The following NDUFA10 variants were observed in gnomAD, a reference collection of about 807,000 sequenced individuals.
NDUFA10 encodes the protein NADH dehydrogenase [ubiquinone] 1 alpha subcomplex subunit 10, mitochondrial.
Under a neutral mutation model 47.8 loss-of-function variants are expected in NDUFA10, and 40 were observed. The ratio of observed to expected loss-of-function variants is 0.84; its 90% CI spans 0.65 to 1.09. The LOEUF (loss-of-function observed/expected upper bound fraction) is 1.09. Ranked by LOEUF, NDUFA10 falls within the 50% of genes least tolerant of loss-of-function variation. The pLI is 0.00. For synonymous variants in NDUFA10, 183 were observed against 172.2 expected (o/e 1.06, Z -0.49); for missense variants, 413 against 451.1 (o/e 0.92, Z 0.76).
intron 4 of NDUFA10, among the ~76,000 whole-genome samples, chr2:239,929,122 A>C (rs1694114017): frequency 1.3e-5 from 2 of 152,190 alleles, no homozygotes; most frequent in South Asian, 4.1e-4. Context: ...GATCGTAACA[A>C]GATCGCCACC....
chr2:239,936,682 G>T lies in NDUFA10; in HGVS notation c.295-41368C>A, dbSNP rs527663781. On this transcript the variant is annotated intron_variant, in intron 4 of 5. Coordinates refer to the NDUFA10 transcript ENST00000419408. The stretch of plus-strand genomic sequence containing the variant: ...AAAAGTAAGTCTTGGCCAGGTTGTG[G>T]TGACTCATGCCTGTAATCCCAGCAC... 2.6e-5 allele frequency among the ~76,000 whole-genome samples: 4 copies of T among 152,328 alleles called. No homozygotes were observed. The South Asian group carries it at 8.3e-4, about 32-fold the overall frequency.
chr2:240,014,709 T>C (rs777787897), intron 5 of NDUFA10, 30 bp downstream of exon 5: 5 of 1,614,094 alleles, frequency 3.1e-6, no homozygotes, highest in Non-Finnish European at 4.2e-6. Context: ...AAAATAGAGA[T>C]GCTTGGCCTT....
intron 4 of NDUFA10, among the ~76,000 whole-genome samples, chr2:239,938,943 A>T (rs1285864750): frequency 6.6e-6 from 1 of 152,174 alleles, no homozygotes; most frequent in African/African-American, 2.4e-5. Context: ...GAGTTGGAGG[A>T]AACATTCCTC....
At chr2:239,944,150 T>C (rs1694407016) in intron 4 of NDUFA10, among the ~76,000 whole-genome samples, 1 of 152,058 alleles carries the variant, frequency 6.6e-6, no homozygotes, top group Non-Finnish European at 1.5e-5. Context: ...GCCAGGCCCC[T>C]GAGAGGAGGC....
In NDUFA10 at chr2:239,949,966, C is replaced by T. The variant is rs150867384; in HGVS notation, c.294+40108G>A. Among the ~76,000 whole-genome samples the T allele has an allele frequency of 7.3e-3, 1,110 of 152,286 alleles. 6 individuals are homozygous for T. The highest frequency in any genetic ancestry group is 0.013 in the Non-Finnish European group (893 of 68,016). On this transcript the variant is annotated intron_variant, in intron 4 of 5. Coordinates refer to the NDUFA10 transcript ENST00000419408. The stretch of plus-strand genomic sequence containing the variant: ...CAGGAGAGCCCTGACTGAGCCTGAA[C>T]CTGGACTCACCACATTCCATCTGGG...
At chr2:239,911,440 G>A (rs1461915915) in intron 4 of NDUFA10, among the ~76,000 whole-genome samples, 1 of 152,096 alleles carries the variant, frequency 6.6e-6, no homozygotes, top group Non-Finnish European at 1.5e-5. Flanking sequence ...AACAAGAGAG[G>A]TTTTGCTTAA....
intron 4 of NDUFA10, among the ~76,000 whole-genome samples, chr2:239,911,709 G>C (rs1188379431): frequency 7.2e-6 from 1 of 138,064 alleles, no homozygotes; most frequent in Admixed American, 7.2e-5. Context: ...CCTACTCCCT[G>C]TTGCTCCTTC....
In NDUFA10 at chr2:239,959,828, G is replaced by A. The variant is rs967014840; in HGVS notation, c.*1290C>T. ...AAGAAAGGAAGGGAGGGAAGGAGGAGGAAAGAAGGAGGGAAGGAAGGGGAG... is the reference window on the plus strand; with the variant it reads ...AAGAAAGGAAGGGAGGGAAGGAGGAAGAAAGAAGGAGGGAAGGAAGGGGAG... On this transcript the variant is annotated 3_prime_UTR_variant, in exon 10 of 10. Coordinates refer to ENST00000252711, the MANE Select transcript of NDUFA10 (RefSeq NM_004544.4). 4.1e-5 allele frequency: 38 copies of A among 921,956 alleles called. No homozygotes were observed. The highest frequency in any genetic ancestry group is 6.2e-5 in the Admixed American group (1 of 16,086). 57.1% of individuals were successfully genotyped at this position (921,956 alleles called of 1,614,324 possible).
chr2:239,984,824 C>T (rs560803455), intron 9 of NDUFA10, among the ~76,000 whole-genome samples: 98 of 152,234 alleles, frequency 6.4e-4, no homozygotes, highest in African/African-American at 2.2e-3. Context: ...CCAGCAGAGC[C>T]GGGGGGCTGA....
intron 3 of NDUFA10, among the ~76,000 whole-genome samples, chr2:240,019,964 G>C (rs1040673823): frequency 6.6e-6 from 1 of 152,088 alleles, no homozygotes; most frequent in African/African-American, 2.4e-5. Flanking sequence ...TGTTTTCTTA[G>C]GAGTAACACT....
intron 1 of NDUFA10, among the ~76,000 whole-genome samples, chr2:240,022,676 A>T (rs951600643): frequency 3.9e-5 from 6 of 152,226 alleles, no homozygotes; most frequent in Admixed American, 3.9e-4. Flanking sequence ...GGACGGACAG[A>T]CGGGAGGAAG....
At chr2:240,000,788 A>G (rs1696678123) in intron 8 of NDUFA10, among the ~76,000 whole-genome samples, 2 of 152,334 alleles carry the variant, frequency 1.3e-5, no homozygotes, top group South Asian at 4.1e-4. Context: ...ACAACTGCCA[A>G]CAGTATTCAG....
intron 9 of NDUFA10, among the ~76,000 whole-genome samples, chr2:239,988,268 C>T (rs1237886232): frequency 2.6e-5 from 4 of 152,062 alleles, no homozygotes; most frequent in Non-Finnish European, 5.9e-5. Flanking sequence ...ATAAACTTTA[C>T]AGTAAGAAGC....
At chr2:239,974,237 GT>G (rs914027538) in intron 9 of NDUFA10, among the ~76,000 whole-genome samples, 5 of 152,194 alleles carry the variant, frequency 3.3e-5, no homozygotes, top group African/African-American at 7.2e-5. Context: ...TGAAAACGCT[GT>G]TTTAGATGAA....
chr2:240,022,642 G>A (rs917319535), intron 1 of NDUFA10, among the ~76,000 whole-genome samples: 6 of 151,862 alleles, frequency 4.0e-5, no homozygotes, highest in African/African-American at 9.7e-5. Context: ...AGGGAGGGAG[G>A]GAGGGGTGGA....
At chr2:240,021,468 G>T in intron 2 of NDUFA10, 56 bp from the exon 3 acceptor site, 1 of 1,500,058 alleles carries the variant, frequency 6.7e-7, no homozygotes, top group Non-Finnish European at 9.2e-7. Flanking sequence ...TCCCCGCAGG[G>T]AGCAGTGGGG....
Position 239,960,531 on chromosome 2 carries a change from T to C in NDUFA10, c.*587A>G, listed in dbSNP as rs1038991498. 4 of 998,876 alleles carry C rather than the reference T, an allele frequency of 4.0e-6. No individual in the cohort carries two copies. The African/African-American group carries it at 6.9e-5, about 17-fold the overall frequency. 61.9% of individuals were successfully genotyped at this position (998,876 alleles called of 1,614,324 possible). A position where few individuals can be genotyped will look rare whatever the true frequency, so the allele number is the denominator to read the frequency against. ...GTTCTGTAAATCTGTGGTAATTTTC[T>C]CCTTTTGCTATTTCTTCTTCACGTT... On this transcript the variant is annotated 3_prime_UTR_variant, in exon 10 of 10. Coordinates refer to ENST00000252711, the MANE Select transcript of NDUFA10 (RefSeq NM_004544.4).
At chr2:239,995,336 G>A (rs549071462) in intron 8 of NDUFA10, among the ~76,000 whole-genome samples, 1 of 152,224 alleles carries the variant, frequency 6.6e-6, no homozygotes, top group Non-Finnish European at 1.5e-5. Flanking sequence ...GAGGAGCCAA[G>A]AAGACTGTGC....
Position 239,906,226 on chromosome 2 carries a change from G to A in NDUFA10, c.295-10912C>T, listed in dbSNP as rs543903725. 1.8e-4 allele frequency among the ~76,000 whole-genome samples: 28 copies of A among 152,260 alleles called. No individual in the cohort carries two copies. Among genetic ancestry groups the A allele is most frequent in the South Asian group, 1.0e-3 (5 of 4,824 alleles). ...CTCCAGGTGGTTGGAAATATTACCCGGAAGGAAGTCAGTATATAATTAAAA... is the reference window on the plus strand; with the variant it reads ...CTCCAGGTGGTTGGAAATATTACCCAGAAGGAAGTCAGTATATAATTAAAA... On this transcript the variant is annotated intron_variant, in intron 4 of 5. Transcript: ENST00000419408. This position sits in a 1 kb window ranked among gnomAD's most constrained non-coding sequence, Gnocchi z 4.3.
Sources: gnomAD v4.1 joint callset for allele counts (sites outside exome capture counted in the v4.1 genomes callset) on GRCh38, gnomAD v4.1.1 for gene constraint, Gnocchi (gnomAD v3.1) non-coding constraint, MANE v1.5 for transcripts, NCBI Gene and HGNC (gene_info 2026-07-23, HGNC 2026-07-21) for gene names.